Variants in UBE2Q2 observed in about 807,000 individuals in gnomAD.
The protein encoded by UBE2Q2 is ubiquitin conjugating enzyme E2 Q2.
UBE2Q2 carries 54 observed loss-of-function variants against 59.9 expected under a neutral mutation model. The ratio of observed to expected loss-of-function variants is 0.90; its 90% CI spans 0.72 to 1.13. The LOEUF (loss-of-function observed/expected upper bound fraction) is 1.13, where lower values mean the gene tolerates loss of function less well. Among genes scored for constraint, UBE2Q2 ranks in the 50% most tolerant of loss-of-function variants. UBE2Q2 has a pLI of 0.00. For synonymous variants in UBE2Q2, 165 were observed against 155.2 expected, an observed-to-expected ratio of 1.06 and a Z score of -0.47; for missense variants, 433 against 441.9, an observed-to-expected ratio of 0.98 and a Z score of 0.18.
chr15:75,850,458 C>A (rs565477779), intron 1 of UBE2Q2, among the ~76,000 whole-genome samples: 3 of 152,194 alleles, frequency 2.0e-5, no homozygotes, highest in Non-Finnish European at 4.4e-5. Flanking sequence ...AGGTGGCCAT[C>A]CTTGTCCCTG....
At chr15:75,862,730 A>G (rs979374392) in intron 3 of UBE2Q2, among the ~76,000 whole-genome samples, 1 of 148,174 alleles carries the variant, frequency 6.7e-6, no homozygotes, top group Non-Finnish European at 1.5e-5. Flanking sequence ...CAGGAGGATC[A>G]GTTGAGCCTA....
At chr15:75,889,960 A>C (rs1174436760) in intron 9 of UBE2Q2, among the ~76,000 whole-genome samples, 1 of 152,210 alleles carries the variant, frequency 6.6e-6, no homozygotes, top group Non-Finnish European at 1.5e-5. Flanking sequence ...TTTGATTCTC[A>C]CAACAGAATG....
intron 6 of UBE2Q2, 117 bp from the exon 7 acceptor site, chr15:75,877,843 TC>T: frequency 1.3e-6 from 1 of 753,066 alleles, no homozygotes; most frequent in Non-Finnish European, 2.1e-6. Context: ...GCTTAGTTGT[TC>T]CATGTTTTAA....
Position 75,846,838 on chromosome 15 carries a change from C to A in UBE2Q2, c.180+2992C>A, listed in dbSNP as rs541890253. On this transcript the variant is annotated intron_variant, in intron 1 of 12. Transcript: ENST00000267938. Reference sequence around the variant, plus strand: ...GAGAAACTAAGTTGTTTTTTACACACGTGCATGCTAGTTCCTGAAGAGTCC... The same window carrying A: ...GAGAAACTAAGTTGTTTTTTACACAAGTGCATGCTAGTTCCTGAAGAGTCC... 4.6e-5 allele frequency among the ~76,000 whole-genome samples: 7 copies of A among 152,310 alleles called. No individual in the cohort carries two copies. In the East Asian group the frequency reaches 1.2e-3, roughly 25 times the overall value.
At chr15:75,897,222 A>AT (rs1555424658) in intron 12 of UBE2Q2, among the ~76,000 whole-genome samples, 161 bp downstream of exon 12, 28 of 151,486 alleles carry the variant, frequency 1.8e-4, no homozygotes, top group East Asian at 1.5e-3. Flanking sequence ...TTATTTATTT[A>AT]TTTATTTTAT....
rs761999912 is a variant in UBE2Q2, at chr15:75,868,939, T to C, written c.388-12T>C. The C allele has an allele frequency of 1.4e-5, 23 of 1,612,404 alleles. No homozygotes were observed. The Admixed American group carries it at 3.2e-4, about 22-fold the overall frequency. ...TTCTGTATAGCCCTGGCAGATTCTT[T>C]CTCTGTTTCAGAATGGGACAACAGA... is the stretch of plus-strand genomic sequence containing the variant. On this transcript the variant is annotated splice_polypyrimidine_tract_variant and intron_variant, in intron 3 of 12. Transcript: ENST00000267938.
At chr15:75,858,487 G>T (rs148412433) in intron 2 of UBE2Q2, among the ~76,000 whole-genome samples, 1 of 151,396 alleles carries the variant, frequency 6.6e-6, no homozygotes, top group Admixed American at 6.6e-5. Context: ...CCCGCCCCCC[G>T]CAAACTAGTA....
chr15:75,843,978 C>T (rs1896169551), intron 1 of UBE2Q2, 132 bp downstream of exon 1: 3 of 1,403,708 alleles, frequency 2.1e-6, no homozygotes, highest in Non-Finnish European at 2.8e-6. Context: ...CCCCTTTCCC[C>T]CGCGACTTGC....
At chr15:75,846,507 C>T (rs867479676) in intron 1 of UBE2Q2, among the ~76,000 whole-genome samples, 1 of 152,072 alleles carries the variant, frequency 6.6e-6, no homozygotes, top group Non-Finnish European at 1.5e-5. Context: ...AGTGAGCCAC[C>T]GTTCCTGGCC....
chr15:75,845,024 G>C (rs1317605656), intron 1 of UBE2Q2, among the ~76,000 whole-genome samples: 1 of 152,104 alleles, frequency 6.6e-6, no homozygotes, highest in Non-Finnish European at 1.5e-5. Flanking sequence ...GAATGAATAC[G>C]TCTGAGTGTT....
At chr15:75,879,675 T>C (rs1898289586) in intron 8 of UBE2Q2, among the ~76,000 whole-genome samples, 1 of 152,192 alleles carries the variant, frequency 6.6e-6, no homozygotes, top group Non-Finnish European at 1.5e-5. Context: ...AATGGTCTGC[T>C]GCCCTCCAAA....
chr15:75,896,035 G>A (rs1000104889), intron 11 of UBE2Q2, among the ~76,000 whole-genome samples: 1 of 152,096 alleles, frequency 6.6e-6, no homozygotes, highest in Non-Finnish European at 1.5e-5. Flanking sequence ...AAACAGGTAT[G>A]TTCTATACTG....
At chr15:75,853,730 C>A (rs1896758415) in intron 1 of UBE2Q2, among the ~76,000 whole-genome samples, 1 of 152,110 alleles carries the variant, frequency 6.6e-6, no homozygotes. Context: ...GGCCTCTCAC[C>A]AGGCAGCGAA....
At chr15:75,877,878 G>T in intron 6 of UBE2Q2, 83 bp from the exon 7 acceptor site, 1 of 1,264,114 alleles carries the variant, frequency 7.9e-7, no homozygotes. Context: ...AGCTTTCGTT[G>T]GCTATTTAGT....
chr15:75,844,631 A>T lies in UBE2Q2; in HGVS notation c.180+785A>T. ...AAAAGACACTTTTAAAAACTCACTC[A>T]TTAAGCGGAAATCTCATTAGAAACC... is the stretch of plus-strand genomic sequence containing the variant. On this transcript the variant is annotated intron_variant, in intron 1 of 12. Transcript: ENST00000267938. 5.8e-6 allele frequency: 5 copies of T among 862,758 alleles called. No individual in the cohort carries two copies. In the South Asian group the frequency reaches 9.9e-5, roughly 17 times the overall value. The allele number at this position is 862,758 out of a possible 1,614,324, so 53.4% of individuals were successfully genotyped here.
chr15:75,859,538 C>T (rs1595864548), intron 2 of UBE2Q2, among the ~76,000 whole-genome samples: 1 of 152,108 alleles, frequency 6.6e-6, no homozygotes, highest in African/African-American at 2.4e-5. Context: ...TTGGTAGCCT[C>T]ATTAATGCAT....
At chr15:75,852,040 A>G (rs1300120520) in intron 1 of UBE2Q2, among the ~76,000 whole-genome samples, 1 of 151,682 alleles carries the variant, frequency 6.6e-6, no homozygotes, top group Non-Finnish European at 1.5e-5. Context: ...TGCTTAGCTA[A>G]TTTTTTTATT....
chr15:75,879,838 C>T (rs1008621793), intron 8 of UBE2Q2, among the ~76,000 whole-genome samples: 2 of 152,012 alleles, frequency 1.3e-5, no homozygotes, highest in South Asian at 4.2e-4. Flanking sequence ...TGGATTCATA[C>T]GTGAGCAGTA....
intron 8 of UBE2Q2, among the ~76,000 whole-genome samples, chr15:75,880,822 T>A (rs1183353089): frequency 6.6e-6 from 1 of 152,232 alleles, no homozygotes; most frequent in Non-Finnish European, 1.5e-5. Context: ...GTTTAAAATC[T>A]GTGGATATAT....
Sources: allele counts gnomAD v4.1 joint callset (sites outside exome capture counted in the v4.1 genomes callset), GRCh38; gene constraint gnomAD v4.1.1; transcripts MANE v1.5; gene names NCBI Gene and HGNC (gene_info 2026-07-23, HGNC 2026-07-21).